The following LRP1B variants were observed in gnomAD, a reference collection of about 807,000 sequenced individuals.
The protein encoded by LRP1B is LDL receptor related protein 1B, also known as low-density lipoprotein receptor-related protein 1B.
A neutral mutation model predicts 556.6 loss-of-function variants in LRP1B; 217 were observed. The ratio of observed to expected loss-of-function variants is 0.39; its 90% CI spans 0.35 to 0.44. LRP1B has a LOEUF of 0.44. Ranked by LOEUF, LRP1B falls within the 20% of genes least tolerant of loss-of-function variation. The probability of loss-of-function intolerance (pLI) is 1.00; values close to 1 mark genes in which losing one functional copy is unlikely to be tolerated. For missense variants in LRP1B, 5,053 were observed against 5,620.8 expected, an observed-to-expected ratio of 0.90 and a Z score of 3.23; for synonymous variants, 2,047 against 1,865.8, an observed-to-expected ratio of 1.10 and a Z score of -2.50.
chr2:140,748,874 G>C (rs10209043), intron 35 of LRP1B, among the ~76,000 whole-genome samples: 120,203 of 135,104 alleles, frequency 0.89, 53,174 homozygotes, highest in East Asian at 0.96. Context: ...CACACACACA[G>C]AGTCATGCAT....
At chr2:140,622,016 A>G (rs943337771) in intron 41 of LRP1B, among the ~76,000 whole-genome samples, 3 of 152,214 alleles carry the variant, frequency 2.0e-5, no homozygotes, top group African/African-American at 7.2e-5. Flanking sequence ...CTGCTAATTC[A>G]TGCTTTTTCT....
At chr2:141,692,981 G>A (rs1311164221) in intron 2 of LRP1B, among the ~76,000 whole-genome samples, 1 of 152,018 alleles carries the variant, frequency 6.6e-6, no homozygotes, top group Non-Finnish European at 1.5e-5. Context: ...GAAAATGAGA[G>A]ATCCATTGTT....
rs377518986 is a variant in LRP1B, at chr2:140,903,156, G to T, written c.3530C>A (p.Ser1177Ter). The T allele has an allele frequency of 6.2e-7, 1 of 1,612,890 alleles. No homozygotes were observed. Among genetic ancestry groups the T allele is most frequent in the South Asian group, 1.1e-5 (1 of 91,024 alleles). Residue 1177 changes from serine (S) to a stop codon, truncating the protein, a stop_gained, in exon 23 of 91, where the codon TCG (serine) becomes TAG (stop). Transcript: ENST00000389484. LOFTEE classifies it high-confidence loss of function. ...SDEGYLCDEC[S>*]LNNGGCSNHC... ...GTTGCTACAGCCTCCATTGTTCAGC[G>T]AACACTCATCTATAAAAAGGGGGGA... is the stretch of plus-strand genomic sequence containing the variant.
chr2:141,046,113 ATGT>A (rs1454303366), intron 11 of LRP1B, among the ~76,000 whole-genome samples: 2 of 152,136 alleles, frequency 1.3e-5, no homozygotes, highest in African/African-American at 2.4e-5. Flanking sequence ...TTTTTTGGAA[ATGT>A]TGTTGTTTTT....
At chr2:141,682,941 T>C (rs1192499343) in intron 2 of LRP1B, among the ~76,000 whole-genome samples, 1 of 152,182 alleles carries the variant, frequency 6.6e-6, no homozygotes, top group Non-Finnish European at 1.5e-5. Flanking sequence ...TAGCATCTAC[T>C]TATAATTATT....
chr2:140,670,695 T>A (rs16854992), intron 41 of LRP1B, among the ~76,000 whole-genome samples: 10 of 8,882 alleles, frequency 1.1e-3, no homozygotes, highest in Non-Finnish European at 2.7e-3. Context: ...TACAAAAAAA[T>A]ATAAGAGCAG....
chr2:141,221,289 A>T (rs776715201), intron 6 of LRP1B, among the ~76,000 whole-genome samples: 5 of 7,500 alleles, frequency 6.7e-4, no homozygotes, highest in Non-Finnish European at 1.1e-3. Flanking sequence ...CAACAAAGAT[A>T]AAAAAAAAAA....
intron 2 of LRP1B, among the ~76,000 whole-genome samples, chr2:141,716,404 C>CT (rs1692587688): frequency 1.3e-5 from 2 of 152,172 alleles, no homozygotes; most frequent in African/African-American, 4.8e-5. Context: ...ATGAAAAATT[C>CT]TTTTGCAAAA....
Position 140,769,157 on chromosome 2 carries a change from GTT to G in LRP1B, c.5758+54_5758+55del, listed in dbSNP as rs970435822. 26 of 1,487,380 alleles carry G rather than the reference GTT, an allele frequency of 1.7e-5. No homozygotes were observed. The African/African-American group carries it at 2.5e-4, about 14-fold the overall frequency. 92.1% of individuals were successfully genotyped at this position (1,487,380 alleles called of 1,614,324 possible). On this transcript the variant is annotated intron_variant, in intron 35 of 90. Coordinates refer to ENST00000389484, the MANE Select transcript of LRP1B (RefSeq NM_018557.3). ...GAGGAAAAGATTGTATTCCCATCAT[GTT>G]TAATAAATCAAGTGAATATATTATG...
chr2:140,693,710 G>A (rs62174218), intron 41 of LRP1B, among the ~76,000 whole-genome samples: 1 of 150,022 alleles, frequency 6.7e-6, no homozygotes, highest in African/African-American at 2.5e-5. Flanking sequence ...TTTTTTTGGG[G>A]TGGGTGGCGG....
intron 1 of LRP1B, among the ~76,000 whole-genome samples, chr2:141,824,098 A>G (rs969757739): frequency 6.6e-6 from 1 of 152,154 alleles, no homozygotes; most frequent in East Asian, 1.9e-4. Flanking sequence ...GTAACCATTC[A>G]GTTAGGCTTT....
chr2:140,485,344 C>T lies in LRP1B; in HGVS notation c.9424G>A (p.Gly3142Arg), dbSNP rs1468243574. The T allele has an allele frequency of 3.1e-6, 5 of 1,605,892 alleles. No homozygotes were observed. Among genetic ancestry groups the T allele is most frequent in the Non-Finnish European group, 4.2e-6 (5 of 1,176,990 alleles). Residue 3142 changes from glycine (G) to arginine (R), a missense_variant and splice_region_variant, in exon 59 of 91, where the codon GGA becomes AGA. Physicochemically the swap from Gly to Arg is moderately radical, Grantham distance 125 (BLOSUM62 -2). This residue lies in a region of LRP1B where 3,619 missense variants were observed against 3,931.9 expected (regional missense o/e 0.92). Transcript: ENST00000389484. ...PRDLSLDPQA[G>R]YLYWIDCCEY... ...AGATTTTTAACAGTTTTTACAAACC[C>T]AGCTTGAGGATCTAAAGACAAGTCT...
chr2:140,671,364 C>CA (rs970009383), intron 41 of LRP1B, among the ~76,000 whole-genome samples: 7 of 152,124 alleles, frequency 4.6e-5, no homozygotes, highest in Middle Eastern at 3.4e-3. Context: ...ACTAAAAATA[C>CA]AAAAAAATTA....
chr2:140,597,539 T>C (rs1682492328), intron 43 of LRP1B, among the ~76,000 whole-genome samples: 1 of 152,322 alleles, frequency 6.6e-6, no homozygotes, highest in African/African-American at 2.4e-5. Context: ...TACTTTTGCA[T>C]TATATCTTCA....
intron 1 of LRP1B, among the ~76,000 whole-genome samples, chr2:141,815,715 G>A (rs1226455019): frequency 6.6e-6 from 1 of 152,054 alleles, no homozygotes; most frequent in Non-Finnish European, 1.5e-5. Context: ...GGCCACCCCA[G>A]CCAGCAGCAG....
At chr2:141,119,567 G>T (rs1355226129) in intron 7 of LRP1B, among the ~76,000 whole-genome samples, 3 of 151,910 alleles carry the variant, frequency 2.0e-5, no homozygotes, top group African/African-American at 4.8e-5. Context: ...CTCTATCATG[G>T]TCTCAAGATT....
In LRP1B at chr2:142,032,711, T is replaced by C. The variant is rs542764759; in HGVS notation, c.82+97937A>G. Among the ~76,000 whole-genome samples, 331 of 151,936 alleles carry C rather than the reference T, an allele frequency of 2.2e-3. 1 individual carries two copies. The highest frequency in any genetic ancestry group is 7.7e-3 in the African/African-American group (321 of 41,502). On this transcript the variant is annotated intron_variant, in intron 1 of 90. Transcript: ENST00000389484. ...AGCCATACTGCCTAGGGCTTCCCTT[T>C]GTAGAGAATATCGAGGCTGTTCAGT...
At chr2:140,913,381 T>C (rs1324300124) in intron 21 of LRP1B, among the ~76,000 whole-genome samples, 4 of 151,832 alleles carry the variant, frequency 2.6e-5, no homozygotes, top group African/African-American at 9.7e-5. Context: ...GTGCTATGGA[T>C]TTTCAAGGAG....
At chr2:141,679,873 TA>T (rs886803317) in intron 2 of LRP1B, among the ~76,000 whole-genome samples, 3 of 151,250 alleles carry the variant, frequency 2.0e-5, no homozygotes, top group Admixed American at 6.6e-5. Flanking sequence ...ATATGAGATA[TA>T]AAAAATACTA....
Sources: allele counts gnomAD v4.1 joint callset (sites outside exome capture counted in the v4.1 genomes callset), GRCh38; gene constraint gnomAD v4.1.1; regional missense constraint gnomAD v4.1.1; transcripts MANE v1.5; gene names NCBI Gene and HGNC (gene_info 2026-07-23, HGNC 2026-07-21).